The following LZTFL1 variants were observed in gnomAD, a reference collection of about 807,000 sequenced individuals.
LZTFL1 encodes the protein leucine zipper transcription factor like 1.
LZTFL1 carries 25 observed loss-of-function variants against 45.9 expected under a neutral mutation model. The ratio of observed to expected loss-of-function variants is 0.54; its 90% CI spans 0.40 to 0.76. The LOEUF (loss-of-function observed/expected upper bound fraction) is 0.76. LZTFL1 is among the 30% of genes least tolerant of loss of function. LZTFL1 has a pLI of 0.00. For missense variants in LZTFL1, 277 were observed against 331.1 expected (o/e 0.84, Z 1.27); for synonymous variants, 93 against 117.4 (o/e 0.79, Z 1.35).
chr3:45,856,023 C>T (rs1320936119), intron 3 of LZTFL1, among the ~76,000 whole-genome samples: 2 of 152,142 alleles, frequency 1.3e-5, no homozygotes, highest in East Asian at 1.9e-4. Flanking sequence ...CTACAATTGA[C>T]ATGCTTCACA....
chr3:45,852,511 T>C (rs1189734038), intron 4 of LZTFL1, among the ~76,000 whole-genome samples: 1 of 152,108 alleles, frequency 6.6e-6, no homozygotes, highest in African/African-American at 2.4e-5. Flanking sequence ...GAAGAATCCA[T>C]GTGCACGGAC....
At position 45,838,025 on chromosome 3, in the gene LZTFL1, A is replaced by C. The variant is rs761220368; in HGVS notation, c.30T>G (p.His10Gln). Residue 10 changes from histidine (H) to glutamine (Q), a missense_variant, in exon 2 of 10, where the codon CAT becomes CAG. By Grantham distance (24) the His-to-Gln change is conservative. Coordinates refer to ENST00000296135, the MANE Select transcript of LZTFL1 (RefSeq NM_020347.4). MAELGLNEH[H>Q]QNEVINYMRF... ...GCATATAATTAATAACTTCATTTTG[A>C]TGGTGCTCATTTAGGCCCAACTCTG... 6.2e-7 allele frequency: 1 copy of C among 1,610,642 alleles called. No individual in the cohort carries two copies. The highest frequency in any genetic ancestry group is 8.5e-7 in the Non-Finnish European group (1 of 1,179,054).
intron 2 of LZTFL1, among the ~76,000 whole-genome samples, chr3:45,862,927 G>T (rs1701514659): frequency 6.6e-6 from 1 of 152,184 alleles, no homozygotes; most frequent in African/African-American, 2.4e-5. Flanking sequence ...TAGGAAAGTA[G>T]TTCTTTCCAG....
At chr3:45,889,438 G>C (rs761359154) in intron 2 of LZTFL1, among the ~76,000 whole-genome samples, 9 of 152,102 alleles carry the variant, frequency 5.9e-5, no homozygotes, top group Non-Finnish European at 1.2e-4. Flanking sequence ...TCCTCCTCTA[G>C]ATGAGTTTTG....
chr3:45,914,624 C>T (rs1368397348), intron 1 of LZTFL1, among the ~76,000 whole-genome samples: 5 of 152,138 alleles, frequency 3.3e-5, no homozygotes, highest in African/African-American at 1.2e-4. Flanking sequence ...AGAACCTTCT[C>T]CTAAGAATCT....
chr3:45,831,427 G>C (rs949256154), intron 5 of LZTFL1, among the ~76,000 whole-genome samples: 1 of 151,834 alleles, frequency 6.6e-6, no homozygotes, highest in Admixed American at 6.6e-5. Context: ...CCAAAGACCC[G>C]CTTCCCTGCC....
At chr3:45,912,971 G>C in intron 2 of LZTFL1, 3 of 734,950 alleles carry the variant, frequency 4.1e-6, no homozygotes, top group Non-Finnish European at 6.5e-6. Context: ...GGCTGCCATA[G>C]CAAATCCTGG....
intron 2 of LZTFL1, among the ~76,000 whole-genome samples, chr3:45,836,053 T>C (rs1039722065): frequency 1.3e-5 from 2 of 152,194 alleles, no homozygotes; most frequent in Non-Finnish European, 2.9e-5. Context: ...ATCTACTTTT[T>C]TAACTTTTTA....
intron 7 of LZTFL1, among the ~76,000 whole-genome samples, chr3:45,828,913 C>A (rs1243966620): frequency 6.6e-6 from 1 of 151,862 alleles, no homozygotes; most frequent in East Asian, 1.9e-4. Context: ...ATGTGTGTAC[C>A]AGGGTTGAGA....
At chr3:45,855,367 T>A (rs886320760) in intron 3 of LZTFL1, among the ~76,000 whole-genome samples, 15 of 152,186 alleles carry the variant, frequency 9.9e-5, no homozygotes, top group Non-Finnish European at 1.9e-4. Context: ...CAACATCTCT[T>A]CATGTTAAAA....
intron 2 of LZTFL1, among the ~76,000 whole-genome samples, chr3:45,878,345 A>G (rs1416158704): frequency 6.6e-6 from 1 of 152,086 alleles, no homozygotes; most frequent in Non-Finnish European, 1.5e-5. Flanking sequence ...AACTGAGGCT[A>G]TTTTCATGTA....
At chr3:45,868,705 A>G (rs1255297636) in intron 2 of LZTFL1, among the ~76,000 whole-genome samples, 1 of 152,240 alleles carries the variant, frequency 6.6e-6, no homozygotes, top group Non-Finnish European at 1.5e-5. Flanking sequence ...TATATCATCT[A>G]CATGATAGAA....
chr3:45,865,812 A>G (rs1415913043), intron 2 of LZTFL1, among the ~76,000 whole-genome samples: 2 of 152,232 alleles, frequency 1.3e-5, no homozygotes, highest in African/African-American at 2.4e-5. Context: ...CCAAGAGAGA[A>G]AGAAATATAT....
intron 4 of LZTFL1, among the ~76,000 whole-genome samples, chr3:45,850,009 G>A (rs1030330067): frequency 6.6e-6 from 1 of 152,190 alleles, no homozygotes; most frequent in Non-Finnish European, 1.5e-5. Flanking sequence ...TCGCTGTCGT[G>A]TCCACATAAG....
At chr3:45,882,190 C>T (rs1701873111) in intron 2 of LZTFL1, among the ~76,000 whole-genome samples, 1 of 152,206 alleles carries the variant, frequency 6.6e-6, no homozygotes, top group Non-Finnish European at 1.5e-5. Context: ...TGCTGCTGGG[C>T]TTCAACCATG....
chr3:45,854,856 A>G (rs1427494613), intron 4 of LZTFL1: 7 of 633,562 alleles, frequency 1.1e-5, no homozygotes, highest in African/African-American at 9.2e-5. Context: ...CAAAATCATC[A>G]CCATTCCCTT....
intron 5 of LZTFL1, 93 bp from the exon 6 acceptor site, chr3:45,831,231 T>A: frequency 1.4e-6 from 1 of 728,620 alleles, no homozygotes; most frequent in Non-Finnish European, 2.2e-6. Flanking sequence ...AATTTTTAAA[T>A]TTAAATTACA....
chr3:45,888,702 A>T (rs1308731438), intron 2 of LZTFL1, among the ~76,000 whole-genome samples: 1 of 152,052 alleles, frequency 6.6e-6, no homozygotes, highest in Non-Finnish European at 1.5e-5. Flanking sequence ...TCCCCCCTAT[A>T]TTTTTCCCGC....
rs1191964136 is a variant in LZTFL1, at chr3:45,872,031, G to A, written c.-214-13015C>T. On this transcript the variant is annotated intron_variant, in intron 2 of 4. Transcript: ENST00000472635. ...TCGCTTACTGGTACTGACTGAGACGGAGAAGCAGCCAGGTGGCAGCAAGGA... is the reference window on the plus strand; with the variant it reads ...TCGCTTACTGGTACTGACTGAGACGAAGAAGCAGCCAGGTGGCAGCAAGGA... 3.3e-5 allele frequency among the ~76,000 whole-genome samples: 5 copies of A among 152,350 alleles called. No individual in the cohort carries two copies. The South Asian group carries it at 8.3e-4, about 25-fold the overall frequency.
Sources: allele counts gnomAD v4.1 joint callset (sites outside exome capture counted in the v4.1 genomes callset), GRCh38; gene constraint gnomAD v4.1.1; transcripts MANE v1.5; gene names NCBI Gene and HGNC (gene_info 2026-07-23, HGNC 2026-07-21).